CCDC54: variants seen among roughly 807,000 people sequenced by gnomAD.
CCDC54 encodes coiled-coil domain-containing protein 54.
CCDC54 carries 2 observed loss-of-function variants against 2.9 expected under a neutral mutation model. That is an observed-to-expected ratio of 0.69 (90% CI 0.28 to 2.16). CCDC54 has a LOEUF of 2.16. Ranked by LOEUF, CCDC54 falls within the 30% of genes most tolerant of loss-of-function variation. CCDC54 has a pLI of 0.13. For missense variants in CCDC54, 368 were observed against 378.1 expected (o/e 0.97, Z 0.22); for synonymous variants, 128 against 129.6 (o/e 0.99, Z 0.08).
Position 107,377,700 on chromosome 3 carries a change from G to A in CCDC54, c.113G>A (p.Arg38Gln), listed in dbSNP as rs709564. 472,725 of 1,613,342 alleles carry A rather than the reference G, an allele frequency of 0.29. 83,465 individuals carry two copies. Among genetic ancestry groups the A allele is most frequent in the East Asian group, 0.85 (38,200 of 44,858 alleles). Residue 38 changes from arginine (R) to glutamine (Q), a missense_variant, in exon 1 of 1, where the codon CGG (arginine) becomes CAG (glutamine). Transcript: ENST00000261058. ...AATGTTTACCACAAATGTAAGATTCGGCACCAAGATTCAACTGGATATCCC... is the reference window on the plus strand; with the variant it reads ...AATGTTTACCACAAATGTAAGATTCAGCACCAAGATTCAACTGGATATCCC... ...LKNVYHKCKI[R>Q]HQDSTGYPTV...
At position 107,377,496 on chromosome 3, in the gene CCDC54, A is replaced by G. The variant is rs944780924; in HGVS notation, c.-92A>G. 19 of 1,332,632 alleles carry G rather than the reference A, an allele frequency of 1.4e-5. No homozygotes were observed. In the African/African-American group the frequency reaches 2.5e-4, roughly 18 times the overall value. 82.6% of individuals were successfully genotyped at this position (1,332,632 alleles called of 1,614,324 possible). A position where few individuals can be genotyped will look rare whatever the true frequency, so the allele number is the denominator to read the frequency against. On this transcript the variant is annotated 5_prime_UTR_variant, in exon 1 of 1. Coordinates refer to ENST00000261058, the MANE Select transcript of CCDC54 (RefSeq NM_032600.3). Reference sequence around the variant, plus strand: ...AAGATGTTATCAGGAAAGGCATCCAACAAATAGTAAGAGAAGGACCATTTC... The same window carrying G: ...AAGATGTTATCAGGAAAGGCATCCAGCAAATAGTAAGAGAAGGACCATTTC...
In CCDC54 at chr3:107,378,564, C is replaced by A. The variant is rs1352923520; in HGVS notation, c.977C>A (p.Thr326Asn). 1 of 1,612,848 alleles carries A rather than the reference C, an allele frequency of 6.2e-7. No individual in the cohort carries two copies. The highest frequency in any genetic ancestry group is 8.5e-7 in the Non-Finnish European group (1 of 1,179,538). ...GFICSLKEEV[T>N]RL is the part of the protein sequence containing the mutation. ...ATTTGTTCCTTAAAAGAAGAAGTAA[C>A]TCGACTATAGAGTTATGTTCTGCTT... The change falls in exon 1 of 1, where the codon ACT (threonine) becomes AAT (asparagine). Residue 326 changes from threonine (T) to asparagine (N), a missense_variant. Transcript: ENST00000261058.
In CCDC54 at chr3:107,377,913, A is replaced by T; in HGVS notation, c.326A>T (p.Glu109Val). 6.2e-7 allele frequency: 1 copy of T among 1,614,208 alleles called. No individual in the cohort carries two copies. Among genetic ancestry groups the T allele is most frequent in the East Asian group, 2.2e-5 (1 of 44,870 alleles). ...TATCAAAAACAGATGGAGGTCCTGG[A>T]AACCAGAATGAATGTTAATGAAGAC... ...DLYQKQMEVL[E>V]TRMNVNEDKQ... Residue 109 changes from glutamate to valine, a missense_variant, in exon 1 of 1, where the codon GAA (glutamate) becomes GTA (valine). Coordinates refer to ENST00000261058, the MANE Select transcript of CCDC54 (RefSeq NM_032600.3).
rs1175357448 is a variant in CCDC54, at chr3:107,378,181, G to A, written c.594G>A (p.Val198=). The change falls in exon 1 of 1, where the codon GTG becomes GTA. Residue 198 remains valine (V), a synonymous_variant. Coordinates refer to ENST00000261058, the MANE Select transcript of CCDC54 (RefSeq NM_032600.3). ...MEISSAEPEK[V]PSYPKSTDHL... ...TCTCTTCAGCAGAACCAGAGAAAGTGCCCAGTTATCCAAAGTCCACTGACC... is the reference window on the plus strand; with the variant it reads ...TCTCTTCAGCAGAACCAGAGAAAGTACCCAGTTATCCAAAGTCCACTGACC... 6.2e-7 allele frequency: 1 copy of A among 1,614,116 alleles called. No homozygotes were observed. The highest frequency in any genetic ancestry group is 1.1e-5 in the South Asian group (1 of 91,082).
At position 107,378,476 on chromosome 3, in the gene CCDC54, A is replaced by C. The variant is rs1267316139; in HGVS notation, c.889A>C (p.Thr297Pro). Residue 297 changes from threonine (T) to proline (P), a missense_variant, in exon 1 of 1, where the codon ACT becomes CCT. By Grantham distance (38) the Thr-to-Pro change is conservative. Transcript: ENST00000261058. ...CATAACCCAGAGATACTGTCCATTC[A>C]CTGGGCCCATTTTGAGCTTGACCAC... ...QVITQRYCPF[T>P]GPILSLTTIC... 1 of 1,613,890 alleles carries C rather than the reference A, an allele frequency of 6.2e-7. No individual in the cohort carries two copies. The highest frequency in any genetic ancestry group is 1.3e-5 in the African/African-American group (1 of 74,916).
Position 107,378,343 on chromosome 3 carries a change from T to C in CCDC54, c.756T>C (p.Thr252=). 6.2e-7 allele frequency: 1 copy of C among 1,614,220 alleles called. No individual in the cohort carries two copies. Among genetic ancestry groups the C allele is most frequent in the Non-Finnish European group, 8.5e-7 (1 of 1,180,034 alleles). The change falls in exon 1 of 1, where the codon ACT becomes ACC. Residue 252 remains threonine, a synonymous_variant. Transcript: ENST00000261058. Reference sequence around the variant, plus strand: ...ACTTCAGTACATGGATCAAGCTAACTTTTGTTCATGGAGGAAAATGGACAT... The same window carrying C: ...ACTTCAGTACATGGATCAAGCTAACCTTTGTTCATGGAGGAAAATGGACAT... ...YPDFSTWIKL[T]FVHGGKWTFF...
In CCDC54 at chr3:107,377,710, T is replaced by C. The variant is rs539566022; in HGVS notation, c.123T>C (p.Asp41=). 2 of 1,614,192 alleles carry C rather than the reference T, an allele frequency of 1.2e-6. No individual in the cohort carries two copies. The highest frequency in any genetic ancestry group is 3.3e-5 in the Admixed American group (2 of 60,028). Residue 41 remains aspartate, a synonymous_variant, in exon 1 of 1, where the codon GAT becomes GAC. Coordinates refer to ENST00000261058, the MANE Select transcript of CCDC54 (RefSeq NM_032600.3). ...VYHKCKIRHQ[D]STGYPTVTSD... The stretch of plus-strand genomic sequence containing the variant: ...ACAAATGTAAGATTCGGCACCAAGA[T>C]TCAACTGGATATCCCACTGTGACAT...
chr3:107,378,079 A>G lies in CCDC54; in HGVS notation c.492A>G (p.Lys164=). Residue 164 remains lysine (K), a synonymous_variant, in exon 1 of 1, where the codon AAA becomes AAG. Coordinates refer to ENST00000261058, the MANE Select transcript of CCDC54 (RefSeq NM_032600.3). ...CLEILEGERG[K]EITELLYKLI... is the part of the protein sequence containing the mutation. ...AGATTCTGGAGGGAGAAAGGGGTAA[A>G]GAAATCACAGAACTGCTTTACAAAC... is the stretch of plus-strand genomic sequence containing the variant. 1 of 1,614,216 alleles carries G rather than the reference A, an allele frequency of 6.2e-7. No homozygotes were observed. The highest frequency in any genetic ancestry group is 8.5e-7 in the Non-Finnish European group (1 of 1,180,036).
chr3:107,378,197 T>A lies in CCDC54; in HGVS notation c.610T>A (p.Ser204Thr). The change falls in exon 1 of 1, where the codon TCC becomes ACC. Residue 204 changes from serine to threonine, a missense_variant. Transcript: ENST00000261058. ...EPEKVPSYPK[S>T]TDHLEKKTIS... is the part of the protein sequence containing the mutation. The stretch of plus-strand genomic sequence containing the variant: ...AGAGAAAGTGCCCAGTTATCCAAAG[T>A]CCACTGACCATCTTGAGAAAAAAAC... 1 of 1,614,092 alleles carries A rather than the reference T, an allele frequency of 6.2e-7. No individual in the cohort carries two copies. The highest frequency in any genetic ancestry group is 1.1e-5 in the South Asian group (1 of 91,078).
Position 107,378,063 on chromosome 3 carries a change from A to G in CCDC54, c.476A>G (p.Glu159Gly). 1 of 1,614,206 alleles carries G rather than the reference A, an allele frequency of 6.2e-7. No homozygotes were observed. Reference protein sequence around the residue: ...CSTIHCLEILEGERGKEITEL... With the variant: ...CSTIHCLEILGGERGKEITEL... ...ACGATACATTGTCTAGAGATTCTGG[A>G]GGGAGAAAGGGGTAAAGAAATCACA... Residue 159 changes from glutamate (E) to glycine (G), a missense_variant, in exon 1 of 1, where the codon GAG becomes GGG. By Grantham distance (98) the Glu-to-Gly change is moderately conservative (BLOSUM62 -2). Transcript: ENST00000261058.
At position 107,378,296 on chromosome 3, in the gene CCDC54, C is replaced by T; in HGVS notation, c.709C>T (p.Pro237Ser). 1 of 1,614,106 alleles carries T rather than the reference C, an allele frequency of 6.2e-7. No individual in the cohort carries two copies. Among genetic ancestry groups the T allele is most frequent in the South Asian group, 1.1e-5 (1 of 91,078 alleles). The change falls in exon 1 of 1, where the codon CCA becomes TCA. Residue 237 changes from proline (P) to serine (S), a missense_variant. Physicochemically the swap from Pro to Ser is moderately conservative, Grantham distance 74 (BLOSUM62 -1). Coordinates refer to ENST00000261058, the MANE Select transcript of CCDC54 (RefSeq NM_032600.3). ...NASRSFEKAK[P>S]NIYIYPDFST... ...ATCAAGGAGCTTTGAAAAAGCAAAG[C>T]CAAATATTTACATTTACCCAGACTT...
chr3:107,377,626 T>C lies in CCDC54; in HGVS notation c.39T>C (p.Ala13=), dbSNP rs761930644. ...ACACCAAAAGGGTAAAAGCTGCTGC[T>C]AGGCAGATGTGGACTTCAAATCTCT... The part of the protein sequence containing the change: ...TLHTKRVKAA[A]RQMWTSNLSK... The change falls in exon 1 of 1, where the codon GCT becomes GCC. Residue 13 remains alanine, a synonymous_variant. Coordinates refer to ENST00000261058, the MANE Select transcript of CCDC54 (RefSeq NM_032600.3). The C allele has an allele frequency of 1.9e-6, 3 of 1,613,856 alleles. No individual in the cohort carries two copies. Among genetic ancestry groups the C allele is most frequent in the East Asian group, 4.5e-5 (2 of 44,878 alleles).
chr3:107,377,713 A>C lies in CCDC54; in HGVS notation c.126A>C (p.Ser42=), dbSNP rs2046546150. The C allele has an allele frequency of 3.1e-6, 5 of 1,614,196 alleles. No homozygotes were observed. The highest frequency in any genetic ancestry group is 4.2e-6 in the Non-Finnish European group (5 of 1,180,016). The change falls in exon 1 of 1, where the codon TCA becomes TCC. Residue 42 remains serine (S), a synonymous_variant. Transcript: ENST00000261058. ...YHKCKIRHQD[S]TGYPTVTSDD... is the part of the protein sequence containing the mutation. ...AATGTAAGATTCGGCACCAAGATTC[A>C]ACTGGATATCCCACTGTGACATCTG...
In CCDC54 at chr3:107,378,269, G is replaced by T; in HGVS notation, c.682G>T (p.Ala228Ser). ...TCTGAAGAAACGTAACCATCAAAAT[G>T]CATCAAGGAGCTTTGAAAAAGCAAA... ...KTLKKRNHQN[A>S]SRSFEKAKPN... The change falls in exon 1 of 1, where the codon GCA becomes TCA. Residue 228 changes from alanine to serine, a missense_variant. Coordinates refer to ENST00000261058, the MANE Select transcript of CCDC54 (RefSeq NM_032600.3). The T allele has an allele frequency of 6.2e-7, 1 of 1,614,034 alleles. No individual in the cohort carries two copies. Among genetic ancestry groups the T allele is most frequent in the Non-Finnish European group, 8.5e-7 (1 of 1,179,990 alleles).
chr3:107,378,567 G>C lies in CCDC54; in HGVS notation c.980G>C (p.Arg327Pro), dbSNP rs112641427. The change falls in exon 1 of 1, where the codon CGA becomes CCA. Residue 327 changes from arginine (R) to proline (P), a missense_variant. Coordinates refer to ENST00000261058, the MANE Select transcript of CCDC54 (RefSeq NM_032600.3). ...TGTTCCTTAAAAGAAGAAGTAACTC[G>C]ACTATAGAGTTATGTTCTGCTTTGC... ...FICSLKEEVTRL is the reference protein window; with the variant it reads ...FICSLKEEVTPL 1.8e-5 allele frequency: 29 copies of C among 1,611,918 alleles called. 1 individual carries two copies. In the African/African-American group the frequency reaches 1.9e-4, roughly 10 times the overall value.
Position 107,377,985 on chromosome 3 carries a change from T to A in CCDC54, c.398T>A (p.Ile133Asn). The part of the protein sequence containing the change: ...TKDILSMKED[I>N]KALKKKVTEL... ...GATATCCTCTCTATGAAAGAAGACATCAAGGCATTAAAGAAGAAGGTGACA... is the reference window on the plus strand; with the variant it reads ...GATATCCTCTCTATGAAAGAAGACAACAAGGCATTAAAGAAGAAGGTGACA... Residue 133 changes from isoleucine to asparagine, a missense_variant, in exon 1 of 1, where the codon ATC becomes AAC. Ile to Asn is a moderately radical substitution (Grantham distance 149, BLOSUM62 -3). Transcript: ENST00000261058. 1 of 1,614,070 alleles carries A rather than the reference T, an allele frequency of 6.2e-7. No homozygotes were observed. Among genetic ancestry groups the A allele is most frequent in the African/African-American group, 1.3e-5 (1 of 75,010 alleles).
Position 107,378,437 on chromosome 3 carries a change from G to C in CCDC54, c.850G>C (p.Glu284Gln). ...TCTTTCTAGGCCAACCATTCTTCCTGAGGAACCCCAGGTCATAACCCAGAG... is the reference window on the plus strand; with the variant it reads ...TCTTTCTAGGCCAACCATTCTTCCTCAGGAACCCCAGGTCATAACCCAGAG... ...WLLSRPTILPEEPQVITQRYC... is the reference protein window; with the variant it reads ...WLLSRPTILPQEPQVITQRYC... Residue 284 changes from glutamate to glutamine, a missense_variant, in exon 1 of 1, where the codon GAG (glutamate) becomes CAG (glutamine). Coordinates refer to ENST00000261058, the MANE Select transcript of CCDC54 (RefSeq NM_032600.3). The C allele has an allele frequency of 6.2e-7, 1 of 1,614,162 alleles. No individual in the cohort carries two copies. Among genetic ancestry groups the C allele is most frequent in the Non-Finnish European group, 8.5e-7 (1 of 1,180,010 alleles).
rs147678503 is a variant in CCDC54 at position 107,378,183 on chromosome 3, C to T, written c.596C>T (p.Pro199Leu). The T allele has an allele frequency of 1.1e-4, 174 of 1,614,124 alleles. 1 individual carries two copies. The African/African-American group carries it at 1.7e-3, about 16-fold the overall frequency. The change falls in exon 1 of 1, where the codon CCC (proline) becomes CTC (leucine). Residue 199 changes from proline (P) to leucine (L), a missense_variant. Coordinates refer to ENST00000261058, the MANE Select transcript of CCDC54 (RefSeq NM_032600.3). ...EISSAEPEKV[P>L]SYPKSTDHLE... ...TCTTCAGCAGAACCAGAGAAAGTGCCCAGTTATCCAAAGTCCACTGACCAT... is the reference window on the plus strand; with the variant it reads ...TCTTCAGCAGAACCAGAGAAAGTGCTCAGTTATCCAAAGTCCACTGACCAT...
chr3:107,378,137 G>C lies in CCDC54; in HGVS notation c.550G>C (p.Ala184Pro), dbSNP rs2046549710. 2 of 1,614,016 alleles carry C rather than the reference G, an allele frequency of 1.2e-6. No homozygotes were observed. Among genetic ancestry groups the C allele is most frequent in the Middle Eastern group, 1.6e-4 (1 of 6,084 alleles). The change falls in exon 1 of 1, where the codon GCC (alanine) becomes CCC (proline). Residue 184 changes from alanine to proline, a missense_variant. Coordinates refer to ENST00000261058, the MANE Select transcript of CCDC54 (RefSeq NM_032600.3). ...ACCAGCAACTCTGAAGAACACTTTG[G>C]CCTCTACAGACATGGAAATCTCTTC... is the stretch of plus-strand genomic sequence containing the variant. ...IQPATLKNTL[A>P]STDMEISSAE... is the part of the protein sequence containing the mutation.
Sources: allele counts gnomAD v4.1 joint callset, GRCh38; gene constraint gnomAD v4.1.1; transcripts MANE v1.5; gene names NCBI Gene and HGNC (gene_info 2026-07-23, HGNC 2026-07-21).